Variants in N4BP2L1 observed in about 807,000 individuals in gnomAD.
The protein encoded by N4BP2L1 is NEDD4-binding protein 2-like 1.
Under a neutral mutation model 21.2 loss-of-function variants are expected in N4BP2L1, and 12 were observed. That is an observed-to-expected ratio of 0.57 (90% confidence interval 0.36 to 0.92). The LOEUF (loss-of-function observed/expected upper bound fraction) is 0.92. Ranked by LOEUF, N4BP2L1 falls within the 40% of genes least tolerant of loss-of-function variation. The pLI is 0.01. For missense variants in N4BP2L1, 259 were observed against 310.6 expected, an observed-to-expected ratio of 0.83 and a Z score of 1.25; for synonymous variants, 104 against 112.8, an observed-to-expected ratio of 0.92 and a Z score of 0.49.
At chr13:32,427,774 C>T (rs1178039487) in intron 1 of N4BP2L1, 130 bp downstream of exon 1, 5 of 428,410 alleles carry the variant, frequency 1.2e-5, no homozygotes, top group Non-Finnish European at 1.8e-5. Context: ...GGGCTGGGGC[C>T]GGGGCCGCGG....
At chr13:32,416,104 T>TATAA (rs1270300916) in intron 1 of N4BP2L1, 1 of 152,264 alleles carries the variant, frequency 6.6e-6, no homozygotes, top group Non-Finnish European at 1.5e-5. Flanking sequence ...TTTTTAGATC[T>TATAA]ATTTATGTTG....
At chr13:32,405,384 C>T (rs1461021082) in intron 3 of N4BP2L1, among the ~76,000 whole-genome samples, 1 of 152,080 alleles carries the variant, frequency 6.6e-6, no homozygotes, top group Non-Finnish European at 1.5e-5. Flanking sequence ...GTGGTACACG[C>T]CTGTAATCCC....
intron 4 of N4BP2L1, among the ~76,000 whole-genome samples, chr13:32,403,912 T>C (rs1593222182): frequency 6.6e-6 from 1 of 152,350 alleles, no homozygotes; most frequent in East Asian, 1.9e-4. Context: ...TGAACATTTA[T>C]TGCTTTATAA....
upstream of N4BP2L1, chr13:32,428,252 G>T: frequency 1.9e-6 from 1 of 535,558 alleles, no homozygotes; most frequent in Non-Finnish European, 2.9e-6. Flanking sequence ...GGGAGGGGGC[G>T]TCCCTACCTG....
At chr13:32,418,333 C>T (rs1219039791) in intron 1 of N4BP2L1, among the ~76,000 whole-genome samples, 1 of 152,212 alleles carries the variant, frequency 6.6e-6, no homozygotes, top group Non-Finnish European at 1.5e-5. Flanking sequence ...TGGCAGCTGC[C>T]ACATGGTGTT....
intron 1 of N4BP2L1, among the ~76,000 whole-genome samples, chr13:32,426,432 C>T (rs1000595650): frequency 1.3e-5 from 2 of 152,122 alleles, no homozygotes; most frequent in Non-Finnish European, 2.9e-5. Context: ...CCCTCCCCAG[C>T]GAGCCAGAGA....
At chr13:32,408,836 A>T (rs1012715188) in intron 1 of N4BP2L1, among the ~76,000 whole-genome samples, 1 of 152,252 alleles carries the variant, frequency 6.6e-6, no homozygotes, top group Non-Finnish European at 1.5e-5. Context: ...CATGGAGCAG[A>T]AAGATCTTTA....
At position 32,402,610 on chromosome 13, in the gene N4BP2L1, C is replaced by T. The variant is rs1413472792; in HGVS notation, c.*332G>A. Reference sequence around the variant, plus strand: ...ATAGATCACTTCAGAGCAAATGGTACTGAAGCTTATATATAATATAAACAC... The same window carrying T: ...ATAGATCACTTCAGAGCAAATGGTATTGAAGCTTATATATAATATAAACAC... On this transcript the variant is annotated 3_prime_UTR_variant, in exon 5 of 5. Transcript: ENST00000380130. 53 of 1,026,140 alleles carry T rather than the reference C, an allele frequency of 5.2e-5. No individual in the cohort carries two copies. Among genetic ancestry groups the T allele is most frequent in the Non-Finnish European group, 6.1e-5 (52 of 855,752 alleles). 63.6% of individuals were successfully genotyped at this position (1,026,140 alleles called of 1,614,324 possible).
chr13:32,429,179 C>G (rs1447199058), upstream of N4BP2L1, among the ~76,000 whole-genome samples: 3 of 152,176 alleles, frequency 2.0e-5, no homozygotes, highest in Non-Finnish European at 1.5e-5. Context: ...AAAACAAAAT[C>G]CAGAGATTTC....
In N4BP2L1 at chr13:32,427,986, T is replaced by TC; in HGVS notation, c.96dup (p.Thr33AspfsTer9). ...CTAAAGCTGTGGCGGCGAGGAGGTG[T>TC]CCCCCGCGGGGGCGGCCGGGGCGGC... is the stretch of plus-strand genomic sequence containing the variant. On this transcript the variant is annotated frameshift_variant, in exon 1 of 5. Coordinates refer to ENST00000380130, the MANE Select transcript of N4BP2L1 (RefSeq NM_052818.3). LOFTEE classifies it high-confidence loss of function. 1 of 1,553,298 alleles carries TC rather than the reference T, an allele frequency of 6.4e-7. No individual in the cohort carries two copies.
Position 32,401,159 on chromosome 13 carries a change from AAG to A in N4BP2L1, c.*1781_*1782del, listed in dbSNP as rs2073108873. On this transcript the variant is annotated 3_prime_UTR_variant, in exon 5 of 5. Transcript: ENST00000380130. ...CCTTTGAACCGCTCATGTGAAATCA[AAG>A]GATGGTAATTTCCACTTTGAGCTCT... is the stretch of plus-strand genomic sequence containing the variant. 6.6e-6 allele frequency: 1 copy of A among 152,128 alleles called. No homozygotes were observed. The allele number at this position is 152,128 out of a possible 1,614,324, so 9.4% of individuals were successfully genotyped here. A position where few individuals can be genotyped will look rare whatever the true frequency, so the allele number is the denominator to read the frequency against.
At chr13:32,424,509 A>C (rs1310083007) in intron 1 of N4BP2L1, among the ~76,000 whole-genome samples, 1 of 152,182 alleles carries the variant, frequency 6.6e-6, no homozygotes, top group African/African-American at 2.4e-5. Context: ...GCGCCTTCTC[A>C]TATGCTTATT....
At chr13:32,427,320 A>AGCCCCGGGCCACTGCCACGGCC (rs1380399959) in intron 1 of N4BP2L1, among the ~76,000 whole-genome samples, 3 of 152,196 alleles carry the variant, frequency 2.0e-5, no homozygotes, top group Admixed American at 2.0e-4. Context: ...GCGGGCTGCC[A>AGCCCCGGGCCACTGCCACGGCC]GCCCCGGGCC....
At chr13:32,412,384 T>TGGGAGGCCAAGACGGGC (rs71194525) in intron 1 of N4BP2L1, among the ~76,000 whole-genome samples, 39,529 of 151,730 alleles carry the variant, frequency 0.26, 6,063 homozygotes, top group Non-Finnish European at 0.33. Flanking sequence ...CCCAGCACTT[T>TGGGAGGCCAAGACGGGC]GGGAGGCCAA....
chr13:32,429,255 C>A (rs1180380344), upstream of N4BP2L1, among the ~76,000 whole-genome samples: 1 of 152,198 alleles, frequency 6.6e-6, no homozygotes, highest in African/African-American at 2.4e-5. Flanking sequence ...CTTCCCCTTC[C>A]CCTTGGGATT....
Position 32,403,022 on chromosome 13 carries a change from ACT to A in N4BP2L1, c.650_651del (p.Glu217ValfsTer13), listed in dbSNP as rs1463021236. The part of the protein sequence containing the change: ...NNARYWNSYT[E>X]FPNRRAHGGF... The stretch of plus-strand genomic sequence containing the variant: ...CCACCGTGGGCCCTCCGGTTTGGAA[ACT>A]CTGTGTAGGAATTCCAGTATCTGGC... On this transcript the variant is annotated frameshift_variant, in exon 5 of 5. Coordinates refer to ENST00000380130, the MANE Select transcript of N4BP2L1 (RefSeq NM_052818.3). LOFTEE classifies it low-confidence loss of function (END_TRUNC). 2.5e-6 allele frequency: 4 copies of A among 1,613,952 alleles called. No homozygotes were observed. The highest frequency in any genetic ancestry group is 1.1e-5 in the South Asian group (1 of 91,054).
In N4BP2L1 at chr13:32,402,309, A is replaced by G; in HGVS notation, c.*633T>C. On this transcript the variant is annotated 3_prime_UTR_variant, in exon 5 of 5. Transcript: ENST00000380130. ...TCCCTCAGTAGCTCCTGTAGCTATT[A>G]AGGATTTGACAGCATTTTTAACAAT... 1.7e-6 allele frequency: 1 copy of G among 584,844 alleles called. No individual in the cohort carries two copies. The highest frequency in any genetic ancestry group is 2.2e-6 in the Non-Finnish European group (1 of 464,326). 36.2% of individuals were successfully genotyped at this position (584,844 alleles called of 1,614,324 possible).
At position 32,403,149 on chromosome 13, in the gene N4BP2L1, C is replaced by T. The variant is rs1396126166; in HGVS notation, c.525G>A (p.Arg175=). ...SREKIHRMKE[R]YEHDVTFHSV... ...TGTGAAAAGTAACATCGTGTTCATA[C>T]CGTTCTTTCATTCGGTGGATTTTTT... The change falls in exon 5 of 5, where the codon CGG becomes CGA. Residue 175 remains arginine (R), a synonymous_variant. Transcript: ENST00000380130. The T allele has an allele frequency of 6.2e-6, 10 of 1,611,574 alleles. No individual in the cohort carries two copies. The highest frequency in any genetic ancestry group is 7.6e-6 in the Non-Finnish European group (9 of 1,178,998).
chr13:32,424,508 C>T (rs540151236), intron 1 of N4BP2L1, among the ~76,000 whole-genome samples: 2 of 152,352 alleles, frequency 1.3e-5, no homozygotes, highest in Admixed American at 6.5e-5. Flanking sequence ...GGCGCCTTCT[C>T]ATATGCTTAT....
Sources: allele counts gnomAD v4.1 joint callset (sites outside exome capture counted in the v4.1 genomes callset), GRCh38; gene constraint gnomAD v4.1.1; transcripts MANE v1.5; gene names NCBI Gene and HGNC (gene_info 2026-07-23, HGNC 2026-07-21).